Variants in CLSTN3 observed in about 807,000 individuals in gnomAD.
The protein encoded by CLSTN3 is calsyntenin-3.
A neutral mutation model predicts 95.9 loss-of-function variants in CLSTN3; 36 were observed. That is an observed-to-expected ratio of 0.38 (90% CI 0.29 to 0.50). The LOEUF is 0.50. Among genes scored for constraint, CLSTN3 ranks in the 20% least tolerant of loss-of-function variants. CLSTN3 has a pLI of 0.95. For missense variants in CLSTN3, 1,084 were observed against 1,268.8 expected (o/e 0.85, Z 2.21); for synonymous variants, 481 against 504.0 (o/e 0.95, Z 0.61).
Position 7,137,819 on chromosome 12 carries a change from A to G in CLSTN3, c.1211-136A>G. 1.7e-6 allele frequency: 1 copy of G among 592,704 alleles called. No homozygotes were observed. Among genetic ancestry groups the G allele is most frequent in the Non-Finnish European group, 3.0e-6 (1 of 329,460 alleles). The allele number at this position is 592,704 out of a possible 1,614,324, so 36.7% of individuals were successfully genotyped here. On this transcript the variant is annotated intron_variant, in intron 7 of 17. Coordinates refer to ENST00000266546, the MANE Select transcript of CLSTN3 (RefSeq NM_014718.4). This position sits in a 1 kb window ranked among gnomAD's most constrained non-coding sequence, Gnocchi z 4.4. ...GTGAGAGAGAGAGAGAGAGAGAGAG[A>G]GAGGAAAGAAAAATGCTAGAGAACG...
Position 7,136,187 on chromosome 12 carries a change from C to T in CLSTN3, c.743-19C>T, listed in dbSNP as rs746265549. Reference sequence around the variant, plus strand: ...TACCCTTCTCTCTCCCCATCACCCTCTCTGTCTCACCCATGCAGGCTGGAA... The same window carrying T: ...TACCCTTCTCTCTCCCCATCACCCTTTCTGTCTCACCCATGCAGGCTGGAA... On this transcript the variant is annotated intron_variant, in intron 5 of 17. Transcript: ENST00000266546. 1.9e-6 allele frequency: 3 copies of T among 1,610,310 alleles called. No homozygotes were observed. Among genetic ancestry groups the T allele is most frequent in the African/African-American group, 1.3e-5 (1 of 75,032 alleles).
At chr12:7,143,342 CA>C (rs769496078) in intron 12 of CLSTN3, 31 bp downstream of exon 12, 1 of 1,591,950 alleles carries the variant, frequency 6.3e-7, no homozygotes, top group Non-Finnish European at 8.5e-7. Context: ...GGCAAATCAC[CA>C]AGCAGAGCCA....
Position 7,141,132 on chromosome 12 carries a change from TG to T in CLSTN3, c.1324-107del. ...CACTAGTAAGCCCTGTTGGTAGAAC[TG>T]GGAATAAAGGGACTGTCCCCTGTCT... On this transcript the variant is annotated intron_variant, in intron 8 of 17. Coordinates refer to ENST00000266546, the MANE Select transcript of CLSTN3 (RefSeq NM_014718.4). The surrounding 1 kb of genome is among the most constrained non-coding windows in gnomAD (Gnocchi z 4.1). The T allele has an allele frequency of 8.4e-7, 1 of 1,187,420 alleles. No individual in the cohort carries two copies. Among genetic ancestry groups the T allele is most frequent in the Non-Finnish European group, 1.2e-6 (1 of 838,258 alleles). 73.6% of individuals were successfully genotyped at this position (1,187,420 alleles called of 1,614,324 possible).
chr12:7,149,332 TAAG>T lies in CLSTN3; in HGVS notation c.2074+138_2074+140del. 1 of 948,218 alleles carries T rather than the reference TAAG, an allele frequency of 1.1e-6. No homozygotes were observed. Among genetic ancestry groups the T allele is most frequent in the Non-Finnish European group, 1.6e-6 (1 of 627,582 alleles). 58.7% of individuals were successfully genotyped at this position (948,218 alleles called of 1,614,324 possible). Reference sequence around the variant, plus strand: ...TTTGTTTGACTGAACAACTTACCTTTAAGAAGGAGAGCAAGTGGAAAACACGTG... The same window carrying T: ...TTTGTTTGACTGAACAACTTACCTTTAAGGAGAGCAAGTGGAAAACACGTG... On this transcript the variant is annotated intron_variant, in intron 13 of 17. Transcript: ENST00000266546. The surrounding 1 kb of genome is among the most constrained non-coding windows in gnomAD (Gnocchi z 4.5).
upstream of CLSTN3, chr12:7,129,776 G>A: frequency 6.1e-6 from 6 of 985,528 alleles, no homozygotes; most frequent in Non-Finnish European, 4.8e-6. The surrounding 1 kb of genome is among the most constrained non-coding windows in gnomAD (Gnocchi z 5.5). Flanking sequence ...GGTGAAATTC[G>A]GGGCGAAGGA....
intron 12 of CLSTN3, among the ~76,000 whole-genome samples, chr12:7,148,110 C>T (rs765202522): frequency 8.0e-5 from 12 of 150,470 alleles, no homozygotes; most frequent in South Asian, 2.1e-4. Flanking sequence ...GAGCCAAGAT[C>T]GCACCATTGC....
rs780014806 is a variant in CLSTN3 at position 7,132,153 on chromosome 12, GC to G, written c.65-870del. 2.0e-4 allele frequency among the ~76,000 whole-genome samples: 31 copies of G among 152,252 alleles called. 1 individual carries two copies. In the South Asian group the frequency reaches 6.0e-3, roughly 30 times the overall value. On this transcript the variant is annotated intron_variant, in intron 1 of 17. Transcript: ENST00000266546. Reference sequence around the variant, plus strand: ...TGAGTCCCGCATCCATTCTGAATTGGCTGGTGGTTGAAGGGAAGAGGGATGG... The same window carrying G: ...TGAGTCCCGCATCCATTCTGAATTGGTGGTGGTTGAAGGGAAGAGGGATGG...
chr12:7,149,406 G>A lies in CLSTN3; in HGVS notation c.2075-117G>A. 1.9e-6 allele frequency: 2 copies of A among 1,035,886 alleles called. No individual in the cohort carries two copies. Among genetic ancestry groups the A allele is most frequent in the Non-Finnish European group, 2.9e-6 (2 of 698,368 alleles). The allele number at this position is 1,035,886 out of a possible 1,614,324, so 64.2% of individuals were successfully genotyped here. On this transcript the variant is annotated intron_variant, in intron 13 of 17. Transcript: ENST00000266546. The surrounding 1 kb of genome is among the most constrained non-coding windows in gnomAD (Gnocchi z 4.5). ...TAATGATATTCTTGAAAATGATGCT[G>A]ACTTCCCTCTCCCTGGCCCTGGAAA... is the stretch of plus-strand genomic sequence containing the variant.
rs1025026175 is a variant in CLSTN3 at position 7,133,606 on chromosome 12, G to A, written c.221G>A (p.Gly74Glu). 6.2e-7 allele frequency: 1 copy of A among 1,614,120 alleles called. No individual in the cohort carries two copies. Among genetic ancestry groups the A allele is most frequent in the South Asian group, 1.1e-5 (1 of 91,084 alleles). ...TGCGGCTTCCGGCTCCATGGGTCTG[G>A]GGTGCCCTTTGAGGCTGTGATCCTT... is the stretch of plus-strand genomic sequence containing the variant. ...EICGFRLHGS[G>E]VPFEAVILDK... Residue 74 changes from glycine (G) to glutamate (E), a missense_variant, in exon 3 of 18, where the codon GGG (glycine) becomes GAG (glutamate). Transcript: ENST00000266546. This position sits in a 1 kb window ranked among gnomAD's most constrained non-coding sequence, Gnocchi z 4.7.
intron 16 of CLSTN3, chr12:7,155,831 T>C (rs3782920): frequency 0.57 from 106,605 of 185,796 alleles, 31,702 homozygotes; most frequent in South Asian, 0.72. Flanking sequence ...GCCATCAGGG[T>C]GGCCTCAGGG....
intron 12 of CLSTN3, among the ~76,000 whole-genome samples, chr12:7,144,219 C>T (rs1017451519): frequency 1.5e-4 from 19 of 125,120 alleles, no homozygotes; most frequent in Non-Finnish European, 2.5e-4. Flanking sequence ...GGCTACAAAG[C>T]GAGACTCCAT....
At chr12:7,131,904 G>A (rs1159944372) in intron 1 of CLSTN3, 1 of 455,642 alleles carries the variant, frequency 2.2e-6, no homozygotes, top group Non-Finnish European at 4.4e-6. Flanking sequence ...GGAAATCAGG[G>A]TTTCTTGCTC....
At chr12:7,156,461 G>C in intron 16 of CLSTN3, 1 of 456,962 alleles carries the variant, frequency 2.2e-6, no homozygotes, top group Non-Finnish European at 4.4e-6. Flanking sequence ...TGCCCAGCTG[G>C]TGGGGAGCTG....
In CLSTN3 at chr12:7,135,438, G is replaced by T. The variant is rs1381121623; in HGVS notation, c.495G>T (p.Arg165=). ...GGAAGCTGTACGATCGCATCCTGCG[G>T]GTGGAAGCCATTGACGGTGACTGCT... is the stretch of plus-strand genomic sequence containing the variant. The part of the protein sequence containing the change: ...TEGKLYDRIL[R]VEAIDGDCSP... Residue 165 remains arginine (R), a synonymous_variant, in exon 4 of 18, where the codon CGG becomes CGT. Transcript: ENST00000266546. 1 of 1,614,020 alleles carries T rather than the reference G, an allele frequency of 6.2e-7. No individual in the cohort carries two copies. The highest frequency in any genetic ancestry group is 8.5e-7 in the Non-Finnish European group (1 of 1,180,024).
At chr12:7,155,416 G>T (rs1215909493) in intron 16 of CLSTN3, among the ~76,000 whole-genome samples, 5 of 152,176 alleles carry the variant, frequency 3.3e-5, no homozygotes, top group African/African-American at 1.2e-4. Flanking sequence ...GGAGCTCGGA[G>T]GGACACTGCA....
chr12:7,135,407 C>T lies in CLSTN3; in HGVS notation c.464C>T (p.Thr155Ile). The change falls in exon 4 of 18, where the codon ACA becomes ATA. Residue 155 changes from threonine (T) to isoleucine (I), a missense_variant. By Grantham distance (89) the Thr-to-Ile change is moderately conservative. Coordinates refer to ENST00000266546, the MANE Select transcript of CLSTN3 (RefSeq NM_014718.4). Reference sequence around the variant, plus strand: ...GAACGGCTGTATCGTGCGGCTGTGACAGAGGGGAAGCTGTACGATCGCATC... The same window carrying T: ...GAACGGCTGTATCGTGCGGCTGTGATAGAGGGGAAGCTGTACGATCGCATC... ...FVERLYRAAV[T>I]EGKLYDRILR... 1 of 1,614,160 alleles carries T rather than the reference C, an allele frequency of 6.2e-7. No individual in the cohort carries two copies. The highest frequency in any genetic ancestry group is 8.5e-7 in the Non-Finnish European group (1 of 1,180,006).
chr12:7,151,544 C>T (rs143622525), intron 16 of CLSTN3, among the ~76,000 whole-genome samples: 37 of 152,274 alleles, frequency 2.4e-4, no homozygotes, highest in African/African-American at 7.7e-4. Context: ...TTATGTGCTA[C>T]GTATGCAGTC....
chr12:7,137,028 G>T lies in CLSTN3; in HGVS notation c.1128G>T (p.Leu376=), dbSNP rs776076434. Residue 376 remains leucine, a synonymous_variant, in exon 7 of 18, where the codon CTG becomes CTT. Transcript: ENST00000266546. This position sits in a 1 kb window ranked among gnomAD's most constrained non-coding sequence, Gnocchi z 4.4. ...ACAGCCTCAGTGACCACTTCACCCTGTCCTTCTGGATGAAGCATGGCGTAA... is the reference window on the plus strand; with the variant it reads ...ACAGCCTCAGTGACCACTTCACCCTTTCCTTCTGGATGAAGCATGGCGTAA... The part of the protein sequence containing the change: ...PQDSLSDHFT[L]SFWMKHGVTP... The T allele has an allele frequency of 7.4e-6, 12 of 1,614,086 alleles. No homozygotes were observed. In the East Asian group the frequency reaches 2.7e-4, roughly 36 times the overall value.
chr12:7,129,726 G>C, upstream of CLSTN3: 2 of 985,408 alleles, frequency 2.0e-6, no homozygotes, highest in South Asian at 9.4e-5. This position sits in a 1 kb window ranked among gnomAD's most constrained non-coding sequence, Gnocchi z 5.5. Context: ...CCATCGTCCC[G>C]GGCTTCAGAA....
Sources: allele counts gnomAD v4.1 joint callset (sites outside exome capture counted in the v4.1 genomes callset), GRCh38; gene constraint gnomAD v4.1.1; non-coding constraint Gnocchi (gnomAD v3.1); transcripts MANE v1.5; gene names NCBI Gene and HGNC (gene_info 2026-07-23, HGNC 2026-07-21).